The following ZNF536 variants were observed in gnomAD, a reference collection of about 807,000 sequenced individuals.
ZNF536 encodes the protein zinc finger protein 536.
A neutral mutation model predicts 84.5 loss-of-function variants in ZNF536; 13 were observed. The ratio of observed to expected loss-of-function variants is 0.15; its 90% CI spans 0.10 to 0.24. The LOEUF (loss-of-function observed/expected upper bound fraction) is 0.24, where lower values mean the gene tolerates loss of function less well. Ranked by LOEUF, ZNF536 falls within the 10% of genes least tolerant of loss-of-function variation. ZNF536 has a pLI of 1.00. For missense variants in ZNF536, 1,536 were observed against 1,747.5 expected (o/e 0.88, Z 2.16); for synonymous variants, 811 against 742.5 (o/e 1.09, Z -1.50).
intron 1 of ZNF536, among the ~76,000 whole-genome samples, chr19:30,268,288 C>T (rs567099473): frequency 6.6e-6 from 1 of 152,214 alleles, no homozygotes; most frequent in East Asian, 1.9e-4. Context: ...TATTGCAGGA[C>T]CACCCAATCA....
intron 1 of ZNF536, among the ~76,000 whole-genome samples, chr19:30,280,706 T>G (rs2045411022): frequency 6.6e-6 from 1 of 152,176 alleles, no homozygotes; most frequent in Non-Finnish European, 1.5e-5. Context: ...TCTGCTCATC[T>G]CTTGACTGGC....
At chr19:30,547,296 T>C (rs2045594444) in intron 3 of ZNF536, among the ~76,000 whole-genome samples, 1 of 152,250 alleles carries the variant, frequency 6.6e-6, no homozygotes, top group African/African-American at 2.4e-5. Flanking sequence ...TGTAATGGTA[T>C]TAATATTTTA....
At chr19:30,529,342 A>T (rs1375728824) in intron 2 of ZNF536, among the ~76,000 whole-genome samples, 1 of 152,196 alleles carries the variant, frequency 6.6e-6, no homozygotes, top group Non-Finnish European at 1.5e-5. Context: ...GTGGTTTCAG[A>T]CAGCTGGTGA....
intron 2 of ZNF536, among the ~76,000 whole-genome samples, chr19:30,501,906 T>A (rs2054965563): frequency 6.6e-6 from 1 of 152,176 alleles, no homozygotes; most frequent in East Asian, 1.9e-4. Context: ...AATGGAACAC[T>A]AGGCATAAAT....
Position 30,511,521 on chromosome 19 carries a change from G to A in ZNF536, c.2171-23326G>A, listed in dbSNP as rs545201516. On this transcript the variant is annotated intron_variant, in intron 2 of 4. Transcript: ENST00000355537. ...AGTAAAAGAGGGGAAGGAATGGAAC[G>A]AATTCAAGCAGTTGTCTCAGCCTTC... Among the ~76,000 whole-genome samples, 15 of 152,244 alleles carry A rather than the reference G, an allele frequency of 9.9e-5. No individual in the cohort carries two copies. In the East Asian group the frequency reaches 1.9e-3, roughly 20 times the overall value.
chr19:30,374,806 G>C (rs1189483201), intron 1 of ZNF536, among the ~76,000 whole-genome samples: 1 of 151,800 alleles, frequency 6.6e-6, no homozygotes, highest in East Asian at 1.9e-4. Context: ...CCCCCAGCCG[G>C]CGCCCGGGCG....
intron 3 of ZNF536, among the ~76,000 whole-genome samples, chr19:30,363,855 C>T (rs990289520): frequency 6.6e-5 from 10 of 152,036 alleles, no homozygotes; most frequent in African/African-American, 1.7e-4. Context: ...ATTCACCAAT[C>T]GAGATGGGAG....
chr19:30,600,214 T>A (rs2047637152), intron 1 of ZNF536, among the ~76,000 whole-genome samples: 1 of 152,160 alleles, frequency 6.6e-6, no homozygotes, highest in African/African-American at 2.4e-5. Flanking sequence ...TGCCTTAGCC[T>A]CCCTAGTAGC....
chr19:30,321,787 T>C (rs1294112727), intron 2 of ZNF536, among the ~76,000 whole-genome samples: 1 of 151,030 alleles, frequency 6.6e-6, no homozygotes, highest in African/African-American at 2.4e-5. Flanking sequence ...CTTTCTTTTT[T>C]TTTTTTCTGA....
intron 1 of ZNF536, among the ~76,000 whole-genome samples, chr19:30,692,585 G>A (rs1346263464): frequency 6.6e-6 from 1 of 152,204 alleles, no homozygotes; most frequent in Non-Finnish European, 1.5e-5. Flanking sequence ...TTTGCCTGAA[G>A]GGCCAGAAAC....
chr19:30,360,048 C>T (rs554757161), intron 3 of ZNF536, among the ~76,000 whole-genome samples: 1 of 152,226 alleles, frequency 6.6e-6, no homozygotes, highest in East Asian at 1.9e-4. Flanking sequence ...CAGCTTCCCC[C>T]ATATGAAGAG....
intron 1 of ZNF536, among the ~76,000 whole-genome samples, chr19:30,579,741 T>C (rs915316860): frequency 1.3e-5 from 2 of 152,198 alleles, no homozygotes; most frequent in African/African-American, 2.4e-5. Context: ...TTGAGTTATA[T>C]GGACAGTGGT....
chr19:30,525,793 G>A (rs186334281), intron 2 of ZNF536, among the ~76,000 whole-genome samples: 14 of 152,316 alleles, frequency 9.2e-5, no homozygotes, highest in Non-Finnish European at 1.5e-4. Context: ...TAGCCTCAGA[G>A]GAGAACAGAA....
Position 30,534,902 on chromosome 19 carries a change from C to A in ZNF536, c.2226C>A (p.Arg742=), listed in dbSNP as rs371053007. The A allele has an allele frequency of 1.9e-6, 3 of 1,613,788 alleles. No homozygotes were observed. The highest frequency in any genetic ancestry group is 2.5e-6 in the Non-Finnish European group (3 of 1,179,860). ...GCGTCCAGCAACCAGCGCTGCTTCG[C>A]GACAGAAGCCTGGGCTCGGCCATGA... The part of the protein sequence containing the change: ...SAGVQQPALL[R]DRSLGSAMKD... Residue 742 remains arginine (R), a synonymous_variant, in exon 3 of 5, where the codon CGC becomes CGA. Transcript: ENST00000355537.
chr19:30,388,380 G>T (rs2049434389), intron 1 of ZNF536, among the ~76,000 whole-genome samples: 1 of 152,176 alleles, frequency 6.6e-6, no homozygotes, highest in Non-Finnish European at 1.5e-5. Flanking sequence ...GGGCTTGGAG[G>T]CACCCTCCAG....
intron 1 of ZNF536, among the ~76,000 whole-genome samples, chr19:30,686,447 C>T (rs114519974): frequency 6.6e-6 from 1 of 152,156 alleles, no homozygotes; most frequent in African/African-American, 2.4e-5. Context: ...TGTGTGCACA[C>T]CCAGGGGCAC....
chr19:30,679,350 A>G (rs2050878038), intron 1 of ZNF536, among the ~76,000 whole-genome samples: 1 of 152,190 alleles, frequency 6.6e-6, no homozygotes, highest in Admixed American at 6.5e-5. Flanking sequence ...CTGGGCCGGG[A>G]AGGAAGGGAA....
At chr19:30,321,817 G>A (rs2046868637) in intron 2 of ZNF536, among the ~76,000 whole-genome samples, 1 of 138,402 alleles carries the variant, frequency 7.2e-6, no homozygotes, top group Admixed American at 7.7e-5. Flanking sequence ...TCATTCTGCT[G>A]GCCAGGCCAG....
intron 1 of ZNF536, among the ~76,000 whole-genome samples, chr19:30,401,717 G>A (rs531904071): frequency 6.6e-6 from 1 of 152,318 alleles, no homozygotes; most frequent in South Asian, 2.1e-4. Context: ...AGGGGGAAAG[G>A]TAACTGGAGA....
Sources: gnomAD v4.1 joint callset for allele counts (sites outside exome capture counted in the v4.1 genomes callset) on GRCh38, gnomAD v4.1.1 for gene constraint, MANE v1.5 for transcripts, NCBI Gene and HGNC (gene_info 2026-07-23, HGNC 2026-07-21) for gene names.